Variants in ARNT observed in about 807,000 individuals in gnomAD.
ARNT encodes class E basic helix-loop-helix protein 2.
ARNT carries 30 observed loss-of-function variants against 105.0 expected under a neutral mutation model. That is an observed-to-expected ratio of 0.29 (90% CI 0.21 to 0.39). The LOEUF (loss-of-function observed/expected upper bound fraction) is 0.39, where lower values mean the gene tolerates loss of function less well. Among genes scored for constraint, ARNT ranks in the 10% least tolerant of loss-of-function variants. The pLI is 1.00. For missense variants in ARNT, 748 were observed against 978.7 expected (o/e 0.76, Z 3.15); for synonymous variants, 304 against 344.0 (o/e 0.88, Z 1.29).
Position 150,857,651 on chromosome 1 carries a change from AG to A in ARNT, c.137+697del, listed in dbSNP as rs587651611. ...TAAATAAAATAGTGCCCATTCTTCC[AG>A]GCCCCTCTAAGGCAACCTCCTTTCT... is the stretch of plus-strand genomic sequence containing the variant. On this transcript the variant is annotated intron_variant, in intron 2 of 21. Transcript: ENST00000358595. 7.9e-5 allele frequency among the ~76,000 whole-genome samples: 12 copies of A among 152,340 alleles called. No homozygotes were observed. The East Asian group carries it at 2.3e-3, about 29-fold the overall frequency.
At chr1:150,823,019 T>C (rs1433245488) in intron 14 of ARNT, among the ~76,000 whole-genome samples, 175 bp downstream of exon 14, 2 of 151,988 alleles carry the variant, frequency 1.3e-5, no homozygotes, top group African/African-American at 4.8e-5. Flanking sequence ...CAGGTTCAAG[T>C]GATTCTCCTG....
At chr1:150,828,980 C>T in intron 12 of ARNT, 113 bp downstream of exon 12, 1 of 1,247,396 alleles carries the variant, frequency 8.0e-7, no homozygotes, top group Non-Finnish European at 1.1e-6. Flanking sequence ...ATATGATGAT[C>T]TCTTTTTCTT....
chr1:150,817,283 G>T, intron 16 of ARNT, 78 bp downstream of exon 16: 1 of 1,610,996 alleles, frequency 6.2e-7, no homozygotes, highest in Non-Finnish European at 8.5e-7. Context: ...TACAACATAT[G>T]TACATTCTAA....
rs587662750 is a variant in ARNT at position 150,857,221 on chromosome 1, C to T, written c.137+1128G>A. ...TTTCTACACTGAAACATATTTGTCG[C>T]TTATAACTACATAGCATTCCATTTT... On this transcript the variant is annotated intron_variant, in intron 2 of 21. Transcript: ENST00000358595. Among the ~76,000 whole-genome samples, 5 of 152,264 alleles carry T rather than the reference C, an allele frequency of 3.3e-5. No homozygotes were observed. The South Asian group carries it at 1.0e-3, about 32-fold the overall frequency.
At chr1:150,852,459 G>A (rs1040669454) in intron 3 of ARNT, among the ~76,000 whole-genome samples, 3 of 152,140 alleles carry the variant, frequency 2.0e-5, no homozygotes, top group Non-Finnish European at 2.9e-5. Context: ...GGTGAGATAA[G>A]CAGAATAAAC....
At chr1:150,822,701 T>C (rs10305726) in intron 14 of ARNT, among the ~76,000 whole-genome samples, 89 of 152,258 alleles carry the variant, frequency 5.8e-4, no homozygotes, top group Middle Eastern at 3.4e-3. Context: ...TTCAAGCAAA[T>C]TGACTGAACC....
At chr1:150,858,252 G>T in intron 2 of ARNT, 97 bp downstream of exon 2, 3 of 860,524 alleles carry the variant, frequency 3.5e-6, no homozygotes, top group Non-Finnish European at 5.6e-6. Context: ...AAGTGAGATG[G>T]TCAGGAATAG....
At chr1:150,815,214 G>C (rs1311059839) in intron 19 of ARNT, among the ~76,000 whole-genome samples, 1 of 151,952 alleles carries the variant, frequency 6.6e-6, no homozygotes, top group South Asian at 2.1e-4. Context: ...TCTTTAGACA[G>C]TGTATTTATT....
intron 3 of ARNT, among the ~76,000 whole-genome samples, chr1:150,852,405 T>C (rs2102193860): frequency 6.6e-6 from 1 of 152,172 alleles, no homozygotes; most frequent in South Asian, 2.1e-4. Flanking sequence ...CTGAGTCCAG[T>C]TCTCAGCTGA....
chr1:150,866,121 T>C (rs1028282629), intron 1 of ARNT, among the ~76,000 whole-genome samples: 10 of 152,066 alleles, frequency 6.6e-5, no homozygotes, highest in Admixed American at 3.9e-4. Flanking sequence ...TAGCTGGTAC[T>C]ACAGGCACAC....
intron 13 of ARNT, 57 bp downstream of exon 13, chr1:150,826,486 A>T: frequency 7.1e-7 from 1 of 1,408,528 alleles, no homozygotes; most frequent in Non-Finnish European, 1.0e-6. Context: ...AGTAGTCAAT[A>T]TTTATGGAGT....
chr1:150,850,691 G>T lies in ARNT; in HGVS notation c.182+2071C>A, dbSNP rs192567585. ...CCAAAGTGCCAGGATTGCAGCCTCT[G>T]CCTGGCCGCCACCCCGTCTGGGAAG... On this transcript the variant is annotated intron_variant, in intron 3 of 21. Coordinates refer to ENST00000358595, the MANE Select transcript of ARNT (RefSeq NM_001668.4). 5.6e-3 allele frequency among the ~76,000 whole-genome samples: 860 copies of T among 152,348 alleles called. 2 individuals carry two copies. The highest frequency in any genetic ancestry group is 8.4e-3 in the Non-Finnish European group (569 of 68,030).
intron 19 of ARNT, among the ~76,000 whole-genome samples, chr1:150,814,767 C>G (rs1003751545): frequency 1.1e-4 from 16 of 152,038 alleles, no homozygotes; most frequent in African/African-American, 3.9e-4. Context: ...CACTTGAACC[C>G]GGGAGACAGA....
At chr1:150,855,179 C>G (rs1255142274) in intron 2 of ARNT, among the ~76,000 whole-genome samples, 2 of 152,072 alleles carry the variant, frequency 1.3e-5, no homozygotes, top group African/African-American at 4.8e-5. Flanking sequence ...TTTTTAGCAT[C>G]ATATGTAACA....
intron 13 of ARNT, among the ~76,000 whole-genome samples, chr1:150,823,552 C>CTT (rs34223160): frequency 5.3e-5 from 7 of 132,828 alleles, no homozygotes; most frequent in Non-Finnish European, 8.0e-5. Context: ...GAGACTTAAG[C>CTT]TTTTTTTTTT....
At position 150,836,387 on chromosome 1, in the gene ARNT, T is replaced by C. The variant is rs777162532; in HGVS notation, c.593A>G (p.Asn198Ser). The change falls in exon 7 of 22, where the codon AAC becomes AGC. Residue 198 changes from asparagine (N) to serine (S), a missense_variant. Asn to Ser is a conservative substitution (Grantham distance 46). Coordinates refer to ENST00000358595, the MANE Select transcript of ARNT (RefSeq NM_001668.4). ...GCCAAACCATTCAGACTGTGGCTGG[T>C]TCAAAACAGGAGTCACGGAGTCAGA... ...YVSDSVTPVL[N>S]QPQSEWFGST... is the part of the protein sequence containing the mutation. 1.2e-6 allele frequency: 2 copies of C among 1,614,008 alleles called. No homozygotes were observed. The highest frequency in any genetic ancestry group is 2.2e-5 in the East Asian group (1 of 44,882).
intron 4 of ARNT, 34 bp downstream of exon 4, chr1:150,846,229 A>G (rs763992759): frequency 4.5e-6 from 7 of 1,558,812 alleles, no homozygotes; most frequent in Non-Finnish European, 6.2e-6. Context: ...GGATCATATT[A>G]TATATTACAA....
chr1:150,816,930 G>T, intron 17 of ARNT, 40 bp from the exon 18 acceptor site: 1 of 1,603,766 alleles, frequency 6.2e-7, no homozygotes, highest in Non-Finnish European at 8.5e-7. Context: ...CAGTCAAGGG[G>T]CTGTAGTATA....
intron 6 of ARNT, among the ~76,000 whole-genome samples, chr1:150,836,959 C>T (rs1014741907): frequency 7.2e-5 from 11 of 151,964 alleles, no homozygotes; most frequent in Admixed American, 4.6e-4. Context: ...CCAGCTACTC[C>T]GGAGGCTGAG....
Sources: gnomAD v4.1 joint callset for allele counts (sites outside exome capture counted in the v4.1 genomes callset) on GRCh38, gnomAD v4.1.1 for gene constraint, MANE v1.5 for transcripts, NCBI Gene and HGNC (gene_info 2026-07-23, HGNC 2026-07-21) for gene names.